EXOC4: variants seen among roughly 807,000 people sequenced by gnomAD.
EXOC4 encodes the protein exocyst complex component 4, also known as SEC8-like 1.
Under a neutral mutation model 107.2 loss-of-function variants are expected in EXOC4, and 71 were observed. The ratio of observed to expected loss-of-function variants is 0.66; its 90% CI spans 0.55 to 0.81. The LOEUF (loss-of-function observed/expected upper bound fraction) is 0.81, where lower values mean the gene tolerates loss of function less well. Ranked by LOEUF, EXOC4 falls within the 30% of genes least tolerant of loss-of-function variation. The pLI is 0.00. For synonymous variants in EXOC4, 456 were observed against 441.2 expected, an observed-to-expected ratio of 1.03 and a Z score of -0.42; for missense variants, 1,108 against 1,189.6, an observed-to-expected ratio of 0.93 and a Z score of 1.01.
intron 11 of EXOC4, among the ~76,000 whole-genome samples, chr7:133,870,774 A>G (rs1201261165): frequency 2.0e-5 from 3 of 152,194 alleles, no homozygotes; most frequent in Admixed American, 6.5e-5. Context: ...TGCCTTCTCA[A>G]ACTCTTTCAC....
At chr7:133,941,588 T>G (rs1431200434) in intron 14 of EXOC4, among the ~76,000 whole-genome samples, 1 of 152,166 alleles carries the variant, frequency 6.6e-6, no homozygotes. Context: ...AAGGTACCAC[T>G]CTTGCATTTC....
intron 10 of EXOC4, among the ~76,000 whole-genome samples, chr7:133,717,953 C>G (rs1454911772): frequency 1.3e-5 from 2 of 152,162 alleles, no homozygotes; most frequent in African/African-American, 4.8e-5. Context: ...GACTTCTTCA[C>G]AGAGGGAATG....
intron 9 of EXOC4, among the ~76,000 whole-genome samples, chr7:133,526,862 C>G (rs1800089070): frequency 6.6e-6 from 1 of 152,062 alleles, no homozygotes; most frequent in African/African-American, 2.4e-5. Flanking sequence ...GTCCCAGCTA[C>G]TCGGGAGGCT....
intron 9 of EXOC4, among the ~76,000 whole-genome samples, chr7:133,529,441 A>C (rs1800139353): frequency 6.6e-6 from 1 of 152,184 alleles, no homozygotes; most frequent in Non-Finnish European, 1.5e-5. Context: ...GAGGGAACTT[A>C]TATTTGAGTT....
chr7:133,578,926 T>C (rs570840513), intron 9 of EXOC4, among the ~76,000 whole-genome samples: 2 of 152,332 alleles, frequency 1.3e-5, no homozygotes, highest in African/African-American at 4.8e-5. Flanking sequence ...ACGACTGCTC[T>C]GCCCCTATCT....
At chr7:133,972,078 A>T (rs1435187013) in intron 14 of EXOC4, among the ~76,000 whole-genome samples, 1 of 152,178 alleles carries the variant, frequency 6.6e-6, no homozygotes, top group Non-Finnish European at 1.5e-5. Flanking sequence ...CTTACGCTGT[A>T]GTCATCCCAC....
chr7:133,960,725 T>C (rs1461411889), intron 14 of EXOC4, among the ~76,000 whole-genome samples: 3 of 152,188 alleles, frequency 2.0e-5, no homozygotes, highest in African/African-American at 7.2e-5. Flanking sequence ...GGTTAGCTAG[T>C]ATTTTGTTAA....
At chr7:133,787,968 T>TAG (rs2151181299) in intron 10 of EXOC4, among the ~76,000 whole-genome samples, 1 of 21,330 alleles carries the variant, frequency 4.7e-5, no homozygotes, top group African/African-American at 1.9e-4. Flanking sequence ...TATATTTATA[T>TAG]ATATATATAT....
chr7:133,614,263 T>C (rs1415976081), intron 9 of EXOC4, among the ~76,000 whole-genome samples: 1 of 152,176 alleles, frequency 6.6e-6, no homozygotes, highest in African/African-American at 2.4e-5. Flanking sequence ...AGATTTATGA[T>C]TGGGACTGCC....
intron 5 of EXOC4, among the ~76,000 whole-genome samples, chr7:133,329,389 T>C (rs192573193): frequency 3.3e-4 from 50 of 152,296 alleles, no homozygotes; most frequent in African/African-American, 1.2e-3. Flanking sequence ...TGGAGAAGTT[T>C]GTTATTACCG....
chr7:133,388,610 A>G (rs968253043), intron 7 of EXOC4, among the ~76,000 whole-genome samples: 7 of 152,170 alleles, frequency 4.6e-5, no homozygotes, highest in African/African-American at 1.7e-4. Context: ...AGATTGTGCC[A>G]CTGCACTCTA....
chr7:133,400,481 C>T (rs1797065221), intron 7 of EXOC4, among the ~76,000 whole-genome samples: 1 of 152,156 alleles, frequency 6.6e-6, no homozygotes, highest in South Asian at 2.1e-4. Flanking sequence ...TTGGGAGTCA[C>T]CTGATTGACC....
At chr7:133,808,472 A>G (rs890136189) in intron 10 of EXOC4, among the ~76,000 whole-genome samples, 16 of 152,200 alleles carry the variant, frequency 1.1e-4, no homozygotes, top group African/African-American at 3.6e-4. Flanking sequence ...TCTCAAATCA[A>G]TTCCTCTGAG....
chr7:133,878,799 C>A (rs1563040116), intron 11 of EXOC4, among the ~76,000 whole-genome samples: 4 of 152,186 alleles, frequency 2.6e-5, no homozygotes, highest in South Asian at 4.1e-4. Flanking sequence ...TCTTGGCTCA[C>A]TGCAGCCTCC....
intron 9 of EXOC4, among the ~76,000 whole-genome samples, chr7:133,511,322 A>G (rs1799764346): frequency 6.6e-6 from 1 of 152,108 alleles, no homozygotes; most frequent in African/African-American, 2.4e-5. Flanking sequence ...TTGACTAGAC[A>G]AAGAGGGTTT....
chr7:133,287,386 C>T (rs757821219), intron 2 of EXOC4, among the ~76,000 whole-genome samples: 4 of 152,136 alleles, frequency 2.6e-5, no homozygotes, highest in Non-Finnish European at 5.9e-5. Context: ...TCTCGGCTCA[C>T]TGCAAGCTCT....
chr7:133,640,921 G>A (rs1238667110), intron 10 of EXOC4, among the ~76,000 whole-genome samples: 4 of 151,686 alleles, frequency 2.6e-5, no homozygotes, highest in Non-Finnish European at 5.9e-5. Context: ...AGGCTGGAGT[G>A]CAGTGGCTGT....
chr7:133,536,778 G>A (rs943637251), intron 9 of EXOC4, among the ~76,000 whole-genome samples: 4 of 151,922 alleles, frequency 2.6e-5, no homozygotes, highest in Admixed American at 2.6e-4. Flanking sequence ...CCATTCCTAA[G>A]GTCCCCTCCT....
intron 4 of EXOC4, among the ~76,000 whole-genome samples, chr7:133,311,154 AT>A (rs781542233): frequency 4.6e-5 from 7 of 152,176 alleles, no homozygotes; most frequent in Non-Finnish European, 8.8e-5. Context: ...CCAGTTGAAA[AT>A]TTTGAAACTG....
Sources: gnomAD v4.1 joint callset for allele counts (sites outside exome capture counted in the v4.1 genomes callset) on GRCh38, gnomAD v4.1.1 for gene constraint, MANE v1.5 for transcripts, NCBI Gene and HGNC (gene_info 2026-07-23, HGNC 2026-07-21) for gene names.